Variants in ZNF521 observed in about 807,000 individuals in gnomAD.
ZNF521 encodes LYST-interacting protein 3.
A neutral mutation model predicts 105.5 loss-of-function variants in ZNF521; 14 were observed. The observed-to-expected ratio is 0.13, with a 90% CI of 0.09 to 0.21. The LOEUF is 0.21. Among genes scored for constraint, ZNF521 ranks in the 10% least tolerant of loss-of-function variants. The pLI is 1.00. For missense variants in ZNF521, 1,233 were observed against 1,629.7 expected (o/e 0.76, Z 4.19); for synonymous variants, 635 against 606.0 (o/e 1.05, Z -0.70).
chr18:25,313,255 G>T (rs903303437), intron 3 of ZNF521, among the ~76,000 whole-genome samples: 3 of 152,024 alleles, frequency 2.0e-5, no homozygotes, highest in African/African-American at 7.2e-5. Flanking sequence ...CTGGACTTAC[G>T]GATCAGAATA....
At chr18:25,306,124 C>G (rs973123545) in intron 3 of ZNF521, among the ~76,000 whole-genome samples, 1 of 152,230 alleles carries the variant, frequency 6.6e-6, no homozygotes, top group Non-Finnish European at 1.5e-5. Flanking sequence ...TCCCATTAAC[C>G]ACACAACACT....
intron 2 of ZNF521, chr18:25,327,284 C>T (rs1392073682): frequency 4.3e-6 from 1 of 232,250 alleles, no homozygotes; most frequent in Non-Finnish European, 7.2e-6. Context: ...CAAAGTAATG[C>T]ATTCCACACC....
intron 5 of ZNF521, among the ~76,000 whole-genome samples, chr18:25,116,351 T>G (rs1375756571): frequency 1.3e-5 from 2 of 152,138 alleles, no homozygotes; most frequent in Non-Finnish European, 2.9e-5. Context: ...GATAATGGGT[T>G]GCATTGGGGT....
At chr18:25,323,453 A>G (rs72876417) in intron 2 of ZNF521, among the ~76,000 whole-genome samples, 12,989 of 152,030 alleles carry the variant, frequency 0.085, 707 homozygotes, top group Middle Eastern at 0.18. Context: ...CTTTTTAGAG[A>G]TGGGTCTTAC....
At chr18:25,124,193 CTGGGTAAGTTT>C (rs1357515591) in intron 5 of ZNF521, among the ~76,000 whole-genome samples, 1 of 152,134 alleles carries the variant, frequency 6.6e-6, no homozygotes, top group African/African-American at 2.4e-5. Flanking sequence ...TTATTTGTAA[CTGGGTAAGTTT>C]TTCTTCTGTT....
intron 2 of ZNF521, among the ~76,000 whole-genome samples, chr18:25,340,031 T>C (rs1914107966): frequency 6.6e-6 from 1 of 152,182 alleles, no homozygotes; most frequent in African/African-American, 2.4e-5. Context: ...TGAAGGTGGC[T>C]AGTCAAACTA....
intron 3 of ZNF521, among the ~76,000 whole-genome samples, chr18:25,308,744 A>G (rs2145098958): frequency 6.7e-6 from 1 of 148,432 alleles, no homozygotes; most frequent in Middle Eastern, 3.6e-3. Flanking sequence ...GTCAAAGAGT[A>G]GGATCTTAGT....
At chr18:25,070,667 T>TA (rs1192875506) in intron 7 of ZNF521, among the ~76,000 whole-genome samples, 1 of 152,080 alleles carries the variant, frequency 6.6e-6, no homozygotes, top group African/African-American at 2.4e-5. Flanking sequence ...GTAGGATGTT[T>TA]AGCAGCATCC....
At chr18:25,065,932 T>G (rs572928750) in intron 7 of ZNF521, among the ~76,000 whole-genome samples, 5 of 152,196 alleles carry the variant, frequency 3.3e-5, no homozygotes, top group Non-Finnish European at 5.9e-5. Flanking sequence ...AGACTGAAGT[T>G]GTTTCATAAA....
intron 5 of ZNF521, among the ~76,000 whole-genome samples, chr18:25,134,283 C>T (rs549923113): frequency 2.8e-4 from 43 of 152,244 alleles, no homozygotes; most frequent in Non-Finnish European, 1.5e-5. Flanking sequence ...AAGGAGGAAA[C>T]TGTTCTAGAT....
chr18:25,270,944 G>T (rs369687024), intron 3 of ZNF521, among the ~76,000 whole-genome samples: 13 of 152,144 alleles, frequency 8.5e-5, no homozygotes, highest in African/African-American at 2.9e-4. Flanking sequence ...GCAAGAGAAA[G>T]AAATAAAGCA....
At chr18:25,161,577 T>A (rs1161835846) in intron 5 of ZNF521, among the ~76,000 whole-genome samples, 1 of 152,210 alleles carries the variant, frequency 6.6e-6, no homozygotes, top group Non-Finnish European at 1.5e-5. Context: ...AAGACAGATA[T>A]AAATGACTAG....
At chr18:25,268,574 C>T (rs181757013) in intron 3 of ZNF521, among the ~76,000 whole-genome samples, 30 of 152,322 alleles carry the variant, frequency 2.0e-4, no homozygotes, top group Admixed American at 6.5e-5. Context: ...AGACTAACAG[C>T]GGATCTCTTG....
chr18:25,172,034 G>A (rs540476861), intron 5 of ZNF521, among the ~76,000 whole-genome samples: 44 of 151,984 alleles, frequency 2.9e-4, no homozygotes, highest in Non-Finnish European at 4.4e-4. Context: ...TTTTGGGGGG[G>A]AAGAGGGGGC....
intron 5 of ZNF521, among the ~76,000 whole-genome samples, chr18:25,167,304 T>A (rs1417830025): frequency 1.3e-5 from 2 of 152,214 alleles, no homozygotes; most frequent in Non-Finnish European, 2.9e-5. Flanking sequence ...TCTTAAAACA[T>A]ACAAAAAACA....
chr18:25,312,288 C>T (rs1037512987), intron 3 of ZNF521, among the ~76,000 whole-genome samples: 2 of 152,138 alleles, frequency 1.3e-5, no homozygotes, highest in African/African-American at 4.8e-5. Flanking sequence ...CACAAGCATT[C>T]AAAGAGCTTT....
chr18:25,067,251 T>C (rs1230701491), intron 7 of ZNF521, among the ~76,000 whole-genome samples: 1 of 152,206 alleles, frequency 6.6e-6, no homozygotes, highest in Non-Finnish European at 1.5e-5. Context: ...CATCTAGGTA[T>C]GATACCTTAA....
At chr18:25,235,732 T>G (rs980563603) in intron 3 of ZNF521, among the ~76,000 whole-genome samples, 2 of 152,184 alleles carry the variant, frequency 1.3e-5, no homozygotes, top group African/African-American at 4.8e-5. Flanking sequence ...AACGCCAACA[T>G]GAATTTTCGG....
chr18:25,110,596 C>T (rs1027663569), intron 5 of ZNF521, among the ~76,000 whole-genome samples: 7 of 151,664 alleles, frequency 4.6e-5, no homozygotes, highest in African/African-American at 1.5e-4. Flanking sequence ...TTCAATATGT[C>T]GTCAAAGAGA....
Sources: gnomAD v4.1 joint callset for allele counts (sites outside exome capture counted in the v4.1 genomes callset) on GRCh38, gnomAD v4.1.1 for gene constraint, MANE v1.5 for transcripts, NCBI Gene and HGNC (gene_info 2026-07-23, HGNC 2026-07-21) for gene names.